CCSER1: variants seen among roughly 807,000 people sequenced by gnomAD.
The protein encoded by CCSER1 is coiled-coil serine rich protein 1.
In CCSER1, 41 loss-of-function variants were observed where a neutral mutation model predicts 82.0. That is an observed-to-expected ratio of 0.50 (90% CI 0.39 to 0.65). CCSER1 has a LOEUF of 0.65. Among genes scored for constraint, CCSER1 ranks in the 30% least tolerant of loss-of-function variants. The pLI is 0.00. For missense variants in CCSER1, 1,119 were observed against 1,064.2 expected (o/e 1.05, Z -0.72); for synonymous variants, 414 against 383.9 (o/e 1.08, Z -0.92).
chr4:90,768,537 G>A (rs919419764), intron 7 of CCSER1, among the ~76,000 whole-genome samples: 4 of 152,164 alleles, frequency 2.6e-5, no homozygotes. Flanking sequence ...GGTAACTTTG[G>A]ATCTGGTCAG....
At chr4:90,804,817 G>A (rs1437212174) in intron 7 of CCSER1, among the ~76,000 whole-genome samples, 1 of 152,096 alleles carries the variant, frequency 6.6e-6, no homozygotes, top group Non-Finnish European at 1.5e-5. Flanking sequence ...GTATGTGGCT[G>A]TAACTTTCCG....
chr4:91,148,836 AG>A (rs1324817637), intron 10 of CCSER1, among the ~76,000 whole-genome samples: 1 of 152,202 alleles, frequency 6.6e-6, no homozygotes, highest in African/African-American at 2.4e-5. Context: ...ATGGCTGCAT[AG>A]TATTCCATGG....
chr4:91,175,347 A>T (rs1733220109), intron 10 of CCSER1, among the ~76,000 whole-genome samples: 1 of 152,164 alleles, frequency 6.6e-6, no homozygotes, highest in Admixed American at 6.5e-5. Flanking sequence ...CAGTAATGGG[A>T]TCACTGGCTC....
chr4:90,161,014 G>A (rs1729333646), intron 1 of CCSER1, among the ~76,000 whole-genome samples: 1 of 152,032 alleles, frequency 6.6e-6, no homozygotes, highest in Admixed American at 6.6e-5. Flanking sequence ...AAAAAGATAA[G>A]CTACCTAAAA....
At chr4:91,580,872 A>T (rs1048485197) in intron 10 of CCSER1, among the ~76,000 whole-genome samples, 2 of 151,526 alleles carry the variant, frequency 1.3e-5, no homozygotes, top group African/African-American at 4.8e-5. Flanking sequence ...TTCTTTTTTG[A>T]CAACCATACA....
chr4:90,180,528 G>A (rs954476041), intron 1 of CCSER1, among the ~76,000 whole-genome samples: 5 of 151,982 alleles, frequency 3.3e-5, no homozygotes, highest in African/African-American at 1.2e-4. Flanking sequence ...AGCAGAGGTT[G>A]TAGTGAGCTA....
At chr4:91,565,755 T>C (rs111661303) in intron 10 of CCSER1, among the ~76,000 whole-genome samples, 76 of 152,244 alleles carry the variant, frequency 5.0e-4, no homozygotes, top group African/African-American at 1.8e-3. Flanking sequence ...TTTTGTATCC[T>C]GCAAATTTGC....
intron 1 of CCSER1, among the ~76,000 whole-genome samples, chr4:90,282,171 T>G (rs1728978716): frequency 6.6e-6 from 1 of 152,014 alleles, no homozygotes; most frequent in African/African-American, 2.4e-5. Flanking sequence ...CCAATTAAAC[T>G]TGAATAAATA....
rs113693050 is a variant in CCSER1, at chr4:91,403,337, G to T, written c.2218-195235G>T. Among the ~76,000 whole-genome samples, 836 of 152,260 alleles carry T rather than the reference G, an allele frequency of 5.5e-3. 6 individuals carry two copies. Among genetic ancestry groups the T allele is most frequent in the African/African-American group, 0.019 (806 of 41,538 alleles). On this transcript the variant is annotated intron_variant, in intron 10 of 10. Transcript: ENST00000509176. ...TTCTAAATATACAATCTTGTCATCT[G>T]CAAACAGTGACAATTTCACTTCCTC...
intron 4 of CCSER1, among the ~76,000 whole-genome samples, chr4:90,419,174 C>T (rs1199691346): frequency 1.3e-5 from 2 of 151,888 alleles, no homozygotes; most frequent in Non-Finnish European, 2.9e-5. Context: ...TTTGATAACA[C>T]TTTAGTGAGG....
In CCSER1 at chr4:91,245,200, G is replaced by A. The variant is rs567022216; in HGVS notation, c.2217+159206G>A. The stretch of plus-strand genomic sequence containing the variant: ...AGTAATTGGTTTTAAAGAGGAGGTA[G>A]AGAAAGATATAGTGGTATAAAGCTT... On this transcript the variant is annotated intron_variant, in intron 10 of 10. Coordinates refer to ENST00000509176, the MANE Select transcript of CCSER1 (RefSeq NM_001145065.2). Among the ~76,000 whole-genome samples the A allele has an allele frequency of 6.6e-5, 10 of 152,254 alleles. No individual in the cohort carries two copies. In the South Asian group the frequency reaches 1.7e-3, roughly 25 times the overall value.
At chr4:90,219,482 C>T (rs1385359799) in intron 1 of CCSER1, among the ~76,000 whole-genome samples, 2 of 152,118 alleles carry the variant, frequency 1.3e-5, no homozygotes, top group East Asian at 3.8e-4. Context: ...ATTACTCATT[C>T]TCATCATCCC....
At chr4:91,090,194 G>A (rs1415694211) in intron 10 of CCSER1, among the ~76,000 whole-genome samples, 1 of 152,158 alleles carries the variant, frequency 6.6e-6, no homozygotes, top group Non-Finnish European at 1.5e-5. Context: ...TTCGCGGGAA[G>A]CATAGACAGG....
intron 8 of CCSER1, among the ~76,000 whole-genome samples, chr4:90,910,078 C>T (rs533645164): frequency 5.3e-5 from 8 of 152,162 alleles, no homozygotes; most frequent in Admixed American, 1.3e-4. Flanking sequence ...GAAGTAAGCA[C>T]CTTCTTCACA....
chr4:90,792,595 C>A (rs917770437), intron 7 of CCSER1, among the ~76,000 whole-genome samples: 1 of 152,158 alleles, frequency 6.6e-6, no homozygotes, highest in African/African-American at 2.4e-5. Context: ...TTTAGCGATT[C>A]TTTTGATGAT....
chr4:91,373,721 TA>T (rs1432666908), intron 10 of CCSER1, among the ~76,000 whole-genome samples: 3 of 152,112 alleles, frequency 2.0e-5, no homozygotes, highest in African/African-American at 7.2e-5. Context: ...TCACTTTCAA[TA>T]AAAAACTAGT....
At chr4:90,436,244 A>G (rs1278494958) in intron 4 of CCSER1, among the ~76,000 whole-genome samples, 1 of 152,184 alleles carries the variant, frequency 6.6e-6, no homozygotes, top group Non-Finnish European at 1.5e-5. Flanking sequence ...TAATGGTGTT[A>G]TTAATCATGA....
chr4:90,144,475 G>A (rs886532102), intron 1 of CCSER1, among the ~76,000 whole-genome samples: 3 of 152,126 alleles, frequency 2.0e-5, no homozygotes, highest in Non-Finnish European at 4.4e-5. Context: ...GACTGCCTTG[G>A]ATATAAATTA....
intron 10 of CCSER1, among the ~76,000 whole-genome samples, chr4:91,270,407 G>C (rs1229382947): frequency 6.6e-6 from 1 of 152,028 alleles, no homozygotes; most frequent in Non-Finnish European, 1.5e-5. Context: ...ACCACTTCCA[G>C]AGGAGTAGGA....
Sources: allele counts gnomAD v4.1 joint callset (sites outside exome capture counted in the v4.1 genomes callset), GRCh38; gene constraint gnomAD v4.1.1; transcripts MANE v1.5; gene names NCBI Gene and HGNC (gene_info 2026-07-23, HGNC 2026-07-21).